ATAD3B: variants seen among roughly 807,000 people sequenced by gnomAD.
ATAD3B encodes ATPase family AAA domain containing 3B, also known as ATPase family AAA domain-containing protein 3B.
A neutral mutation model predicts 70.2 loss-of-function variants in ATAD3B; 59 were observed. The observed-to-expected ratio is 0.84, with a 90% CI of 0.68 to 1.04. ATAD3B has a LOEUF of 1.04. Ranked by LOEUF, ATAD3B falls within the 50% of genes least tolerant of loss-of-function variation. The probability of loss-of-function intolerance (pLI) is 0.00; values close to 1 mark genes in which losing one functional copy is unlikely to be tolerated. For synonymous variants in ATAD3B, 423 were observed against 388.6 expected, an observed-to-expected ratio of 1.09 and a Z score of -1.04; for missense variants, 961 against 913.4, an observed-to-expected ratio of 1.05 and a Z score of -0.67.
chr1:1,508,018 C>G, the ATAD3B span, among the ~76,000 whole-genome samples: 5 of 152,220 alleles, frequency 3.3e-5, 1 homozygote, highest in Non-Finnish European at 5.9e-5. Context: ...AGGTCCCGTG[C>G]TTCCCAGAGG....
chr1:1,486,088 A>T, intron 9 of ATAD3B, 22 bp from the exon 10 acceptor site: 1 of 1,612,678 alleles, frequency 6.2e-7, no homozygotes, highest in Non-Finnish European at 8.5e-7. Flanking sequence ...TGTCTCCCCC[A>T]AACCCCCGTC....
At position 1,485,171 on chromosome 1, in the gene ATAD3B, G is replaced by C. The variant is rs781172015; in HGVS notation, c.906G>C (p.Gln302His). Reference protein sequence around the residue: ...TVLEALRHPIQVSRRLLSRPQ... With the variant: ...TVLEALRHPIHVSRRLLSRPQ... ...TGGAGGCGCTGCGGCACCCCATCCAGGTAGCGGCGCAGGCCTGGCCCTCCC... is the reference window on the plus strand; with the variant it reads ...TGGAGGCGCTGCGGCACCCCATCCACGTAGCGGCGCAGGCCTGGCCCTCCC... The change falls in exon 8 of 16, where the codon CAG (glutamine) becomes CAC (histidine). Residue 302 changes from glutamine to histidine, a missense_variant and splice_region_variant. By Grantham distance (24) the Gln-to-His change is conservative. Around this residue, in one of 4 missense-constraint regions of ATAD3B, gnomAD observed 349 missense variants for 307.5 expected, o/e 1.14. Coordinates refer to ENST00000673477, the MANE Select transcript of ATAD3B (RefSeq NM_031921.6). The C allele has an allele frequency of 1.7e-5, 27 of 1,609,904 alleles. No individual in the cohort carries two copies. In the East Asian group the frequency reaches 5.6e-4, roughly 33 times the overall value.
At chr1:1,503,488 G>A in the ATAD3B span, 10 of 1,230,638 alleles carry the variant, frequency 8.1e-6, no homozygotes, top group Non-Finnish European at 1.2e-5. Flanking sequence ...GTCGAGGCGT[G>A]GCCGTGGATT....
the ATAD3B span, among the ~76,000 whole-genome samples, chr1:1,508,605 G>A: frequency 1.9e-3 from 291 of 151,556 alleles, 10 homozygotes; most frequent in Middle Eastern, 0.014. Context: ...CTGGCATTAG[G>A]ATGGAGAGTG....
At chr1:1,499,377 C>G (rs1215906575), downstream of ATAD3B, among the ~76,000 whole-genome samples, 2 of 141,866 alleles carry the variant, frequency 1.4e-5, no homozygotes, top group East Asian at 2.2e-4. Flanking sequence ...GCTGGGATTA[C>G]AGGCACGTGC....
chr1:1,472,106 G>GGGGCGGGGC lies in ATAD3B; in HGVS notation c.205+25_205+33dup, dbSNP rs771478807. On this transcript the variant is annotated intron_variant, in intron 1 of 15. Transcript: ENST00000673477. ...AGCACTCGCGTGAGTGCGGCGGGGC[G>GGGGCGGGGC]GGGCGGGGCGGGCGGGCGGGCGGGA... The GGGGCGGGGC allele has an allele frequency of 3.3e-6, 4 of 1,197,106 alleles. No individual in the cohort carries two copies. The African/African-American group carries it at 7.5e-5, about 22-fold the overall frequency. The allele number at this position is 1,197,106 out of a possible 1,614,324, so 74.2% of individuals were successfully genotyped here.
At chr1:1,509,272 C>A in the ATAD3B span, 1 of 1,612,814 alleles carries the variant, frequency 6.2e-7, no homozygotes, top group African/African-American at 1.3e-5. Flanking sequence ...GTGCAAGATG[C>A]TGTCCAGCAG....
chr1:1,501,689 C>A (rs150793469), downstream of ATAD3B, among the ~76,000 whole-genome samples: 4,002 of 152,198 alleles, frequency 0.026, 74 homozygotes, highest in Non-Finnish European at 0.039. Flanking sequence ...CAGAGCCTGG[C>A]CTCTATTTCC....
At chr1:1,484,779 T>G in intron 7 of ATAD3B, 2 of 1,184,798 alleles carry the variant, frequency 1.7e-6, no homozygotes, top group Non-Finnish European at 2.3e-6. Flanking sequence ...CTAGGATTTA[T>G]GCTGCCAGTT....
chr1:1,492,528 G>A (rs549782244), intron 15 of ATAD3B, among the ~76,000 whole-genome samples: 7 of 151,922 alleles, frequency 4.6e-5, no homozygotes, highest in African/African-American at 1.4e-4. Flanking sequence ...GGGCACAGTG[G>A]CACATGCCTG....
intron 1 of ATAD3B, among the ~76,000 whole-genome samples, chr1:1,473,134 C>CTTTTT (rs569834397): frequency 2.8e-4 from 24 of 84,392 alleles, no homozygotes; most frequent in African/African-American, 3.6e-4. Context: ...GAAGGGATTC[C>CTTTTT]TTTTTTTTTT....
chr1:1,478,258 A>G, intron 2 of ATAD3B: 1 of 655,112 alleles, frequency 1.5e-6, no homozygotes. Flanking sequence ...TGGCCTCACA[A>G]AGTGCTGGGA....
Position 1,495,879 on chromosome 1 carries a change from T to C in ATAD3B, c.*62T>C, listed in dbSNP as rs1640767252. 5 of 1,487,636 alleles carry C rather than the reference T, an allele frequency of 3.4e-6. No individual in the cohort carries two copies. The highest frequency in any genetic ancestry group is 4.4e-6 in the Non-Finnish European group (5 of 1,124,116). The allele number at this position is 1,487,636 out of a possible 1,614,324, so 92.2% of individuals were successfully genotyped here. On this transcript the variant is annotated 3_prime_UTR_variant, in exon 16 of 16. Transcript: ENST00000673477. ...CTCGAGACACTCTTGGGAGATGCATTTTCCGTCTGGCTCACAGGGGGAGGG... is the reference window on the plus strand; with the variant it reads ...CTCGAGACACTCTTGGGAGATGCATCTTCCGTCTGGCTCACAGGGGGAGGG...
chr1:1,492,774 C>T (rs1570275580), intron 15 of ATAD3B, among the ~76,000 whole-genome samples: 1 of 151,538 alleles, frequency 6.6e-6, no homozygotes, highest in East Asian at 1.9e-4. Context: ...CCCATCTCTA[C>T]TAAAAAATAA....
At chr1:1,505,494 T>G in the ATAD3B span, among the ~76,000 whole-genome samples, 1 of 151,538 alleles carries the variant, frequency 6.6e-6, no homozygotes, top group African/African-American at 2.4e-5. Flanking sequence ...AGGAGTAGAG[T>G]CTTCTCTAAA....
Position 1,486,561 on chromosome 1 carries a change from A to G in ATAD3B, c.1107A>G (p.Ser369=). Reference sequence around the variant, plus strand: ...TTGTCCAGAAACTCGCCCTGCACTCAGGCATGGACTACGCCATCATGACAG... The same window carrying G: ...TTGTCCAGAAACTCGCCCTGCACTCGGGCATGGACTACGCCATCATGACAG... ...TLFAKKLALH[S]GMDYAIMTGG... The change falls in exon 11 of 16, where the codon TCA becomes TCG. Residue 369 remains serine (S), a synonymous_variant. Coordinates refer to ENST00000673477, the MANE Select transcript of ATAD3B (RefSeq NM_031921.6). 2 of 1,611,982 alleles carry G rather than the reference A, an allele frequency of 1.2e-6. No homozygotes were observed. Among genetic ancestry groups the G allele is most frequent in the Non-Finnish European group, 1.7e-6 (2 of 1,179,466 alleles).
chr1:1,503,320 C>G, the ATAD3B span: 2 of 441,670 alleles, frequency 4.5e-6, no homozygotes, highest in East Asian at 7.7e-5. Context: ...AGCCTCCTCC[C>G]GTCCACGTGG....
rs747677411 is a variant in ATAD3B, at chr1:1,490,336, T to C, written c.1417T>C (p.Phe473Leu). ...INSRIDVMVH[F>L]DLPQQEERER... ...CAGCCGCATTGACGTGATGGTCCAC[T>C]TCGACCTGCCGCAGCAGGAGGAGCG... The change falls in exon 14 of 16, where the codon TTC (phenylalanine) becomes CTC (leucine). Residue 473 changes from phenylalanine (F) to leucine (L), a missense_variant. Physicochemically the swap from Phe to Leu is conservative, Grantham distance 22. Coordinates refer to ENST00000673477, the MANE Select transcript of ATAD3B (RefSeq NM_031921.6). 6.2e-7 allele frequency: 1 copy of C among 1,613,180 alleles called. No homozygotes were observed. Among genetic ancestry groups the C allele is most frequent in the Non-Finnish European group, 8.5e-7 (1 of 1,179,694 alleles).
At chr1:1,478,223 CT>C (rs1291811204) in intron 2 of ATAD3B, 1 of 469,032 alleles carries the variant, frequency 2.1e-6, no homozygotes, top group Non-Finnish European at 3.7e-6. Context: ...TCTTGAACTC[CT>C]GACCTCAGGT....
Sources: allele counts gnomAD v4.1 joint callset (sites outside exome capture counted in the v4.1 genomes callset), GRCh38; gene constraint gnomAD v4.1.1; regional missense constraint gnomAD v4.1.1; transcripts MANE v1.5; gene names NCBI Gene and HGNC (gene_info 2026-07-23, HGNC 2026-07-21).